The following INPP5D variants were observed in gnomAD, a reference collection of about 807,000 sequenced individuals.
The protein encoded by INPP5D is phosphatidylinositol 3,4,5-trisphosphate 5-phosphatase 1.
A neutral mutation model predicts 122.9 loss-of-function variants in INPP5D; 33 were observed. The observed-to-expected ratio is 0.27, with a 90% CI of 0.20 to 0.36. INPP5D has a LOEUF of 0.36. Among genes scored for constraint, INPP5D ranks in the 10% least tolerant of loss-of-function variants. The pLI is 1.00. For missense variants in INPP5D, 1,053 were observed against 1,412.7 expected (o/e 0.75, Z 4.08); for synonymous variants, 584 against 576.2 (o/e 1.01, Z -0.19).
intron 1 of INPP5D, among the ~76,000 whole-genome samples, chr2:233,074,323 G>A (rs146798829): frequency 1.1e-4 from 16 of 152,248 alleles, no homozygotes; most frequent in East Asian, 7.7e-4. Flanking sequence ...GCTGTCAGAC[G>A]AGGAATAGCC....
intron 9 of INPP5D, among the ~76,000 whole-genome samples, chr2:233,156,767 T>A (rs531046676): frequency 1.3e-5 from 2 of 152,264 alleles, no homozygotes; most frequent in Admixed American, 1.3e-4. Context: ...GGTACCCAGA[T>A]TACAGACTCC....
chr2:233,060,716 T>C, intron 1 of INPP5D, 104 bp downstream of exon 1: 1 of 1,416,392 alleles, frequency 7.1e-7, no homozygotes, highest in Non-Finnish European at 9.8e-7. Flanking sequence ...CAGAGTGATC[T>C]GACATGCACA....
chr2:233,174,357 C>T (rs888992016), intron 17 of INPP5D, among the ~76,000 whole-genome samples: 5 of 152,226 alleles, frequency 3.3e-5, no homozygotes, highest in African/African-American at 4.8e-5. Context: ...AGCAGCACTA[C>T]GTGATGGGGA....
At chr2:233,201,226 G>A (rs1465277019) in intron 25 of INPP5D, among the ~76,000 whole-genome samples, 1 of 152,180 alleles carries the variant, frequency 6.6e-6, no homozygotes, top group African/African-American at 2.4e-5. Context: ...GTATCAAGGT[G>A]CCTGTGTGGC....
At chr2:233,144,770 T>A (rs1040846800) in intron 6 of INPP5D, among the ~76,000 whole-genome samples, 5 of 151,862 alleles carry the variant, frequency 3.3e-5, no homozygotes, top group African/African-American at 7.3e-5. Flanking sequence ...GTGGTAGTGA[T>A]GGTGGTGTTG....
Position 233,189,787 on chromosome 2 carries a change from C to A in INPP5D, c.2359-63C>A. On this transcript the variant is annotated intron_variant, in intron 21 of 26. Coordinates refer to ENST00000445964, the MANE Select transcript of INPP5D (RefSeq NM_001017915.3). This position sits in a 1 kb window ranked among gnomAD's most constrained non-coding sequence, Gnocchi z 5.6. ...TTCGTCATCTTCATCCACTTGTCCA[C>A]CCACCTGTCCCCTCACCTGTCCCTT... 6.3e-7 allele frequency: 1 copy of A among 1,579,142 alleles called. No homozygotes were observed.
At chr2:233,190,332 G>C (rs1385816682) in intron 22 of INPP5D, among the ~76,000 whole-genome samples, 1 of 152,180 alleles carries the variant, frequency 6.6e-6, no homozygotes, top group Non-Finnish European at 1.5e-5. Flanking sequence ...AGGCCTGCCT[G>C]CCCTTCTCTG....
chr2:233,147,999 A>AT (rs1693813635), intron 9 of INPP5D, among the ~76,000 whole-genome samples: 2 of 152,266 alleles, frequency 1.3e-5, no homozygotes. Context: ...AATGGGGATG[A>AT]TAAAAATTAT....
At chr2:233,199,980 A>T (rs1375215554) in intron 25 of INPP5D, among the ~76,000 whole-genome samples, 2 of 152,104 alleles carry the variant, frequency 1.3e-5, no homozygotes, top group African/African-American at 4.8e-5. Context: ...GAGGTTCCCC[A>T]TTCTATAAGC....
rs1160042245 is a variant in INPP5D, at chr2:233,164,964, G to A, written c.1555+540G>A. Among the ~76,000 whole-genome samples the A allele has an allele frequency of 1.3e-5, 2 of 152,184 alleles. No homozygotes were observed. The highest frequency in any genetic ancestry group is 1.9e-4 in the East Asian group (1 of 5,200). On this transcript the variant is annotated intron_variant, in intron 13 of 26. Transcript: ENST00000445964. This position sits in a 1 kb window ranked among gnomAD's most constrained non-coding sequence, Gnocchi z 4.3. ...CGGGAGGTGGCTGGCCCCTGCCCTC[G>A]GTCCCTGTGCACCAGGTTGGATCTG...
chr2:233,170,464 T>A lies in INPP5D; in HGVS notation c.1792-32T>A. 2 of 1,613,298 alleles carry A rather than the reference T, an allele frequency of 1.2e-6. No individual in the cohort carries two copies. The highest frequency in any genetic ancestry group is 1.7e-6 in the Non-Finnish European group (2 of 1,179,630). The stretch of plus-strand genomic sequence containing the variant: ...GTCAGGCCTGGATCAGCAGGGCTTC[T>A]CACCAGAGGCCCGGGCATGTTCTTG... On this transcript the variant is annotated intron_variant, in intron 15 of 26. Coordinates refer to ENST00000445964, the MANE Select transcript of INPP5D (RefSeq NM_001017915.3). The surrounding 1 kb of genome is among the most constrained non-coding windows in gnomAD (Gnocchi z 4.5).
chr2:233,169,555 G>A (rs1694436253), intron 14 of INPP5D, 154 bp downstream of exon 14: 16 of 1,165,724 alleles, frequency 1.4e-5, no homozygotes, highest in Non-Finnish European at 1.8e-5. Flanking sequence ...CTCATCAAAG[G>A]CAACTGCAGC....
intron 25 of INPP5D, among the ~76,000 whole-genome samples, chr2:233,200,066 C>A (rs1695291883): frequency 6.6e-6 from 1 of 152,222 alleles, no homozygotes; most frequent in South Asian, 2.1e-4. Context: ...GGCAGCCAGC[C>A]TGCAGAGAGA....
At chr2:233,119,746 G>A (rs1469688645) in intron 2 of INPP5D, among the ~76,000 whole-genome samples, 1 of 152,182 alleles carries the variant, frequency 6.6e-6, no homozygotes, top group African/African-American at 2.4e-5. Context: ...ACTGAAAGAG[G>A]CGTATGTGTC....
At position 233,151,208 on chromosome 2, in the gene INPP5D, C is replaced by T. The variant is rs192172096; in HGVS notation, c.1030+3614C>T. 4.6e-4 allele frequency among the ~76,000 whole-genome samples: 70 copies of T among 152,176 alleles called. 1 individual carries two copies. Among genetic ancestry groups the T allele is most frequent in the Middle Eastern group, 3.4e-3 (1 of 294 alleles). ...TGGGCTATGCATGGGTGCAGTGGTA[C>T]GCACCTGTATTCTTAGCTACTTGGG... On this transcript the variant is annotated intron_variant, in intron 9 of 26. Coordinates refer to ENST00000445964, the MANE Select transcript of INPP5D (RefSeq NM_001017915.3).
chr2:233,166,551 T>C (rs894474364), intron 13 of INPP5D, among the ~76,000 whole-genome samples: 2 of 152,130 alleles, frequency 1.3e-5, no homozygotes, highest in African/African-American at 2.4e-5. Flanking sequence ...TTTATGACCA[T>C]TGCAGGGCAG....
rs143971233 is a variant in INPP5D, at chr2:233,064,492, C to A, written c.134+3880C>A. ...TGCTCCGCCTAATAACAGCAGGCAA[C>A]TTCCAAAGAGCTCTGTGCCAGGCAC... On this transcript the variant is annotated intron_variant, in intron 1 of 26. Transcript: ENST00000445964. Among the ~76,000 whole-genome samples the A allele has an allele frequency of 1.7e-4, 26 of 152,358 alleles. No homozygotes were observed. The East Asian group carries it at 4.8e-3, about 28-fold the overall frequency.
chr2:233,168,182 T>C (rs1239904547), intron 13 of INPP5D, among the ~76,000 whole-genome samples: 1 of 152,220 alleles, frequency 6.6e-6, no homozygotes, highest in Non-Finnish European at 1.5e-5. Flanking sequence ...ATTTCAATAA[T>C]AGATTTTATT....
At chr2:233,120,533 T>G (rs1692939051) in intron 2 of INPP5D, 1 of 152,276 alleles carries the variant, frequency 6.6e-6, no homozygotes, top group Non-Finnish European at 1.5e-5. Flanking sequence ...GTGGCTGTTA[T>G]GAGGACAGGG....
Sources: gnomAD v4.1 joint callset for allele counts (sites outside exome capture counted in the v4.1 genomes callset) on GRCh38, gnomAD v4.1.1 for gene constraint, Gnocchi (gnomAD v3.1) non-coding constraint, MANE v1.5 for transcripts, NCBI Gene and HGNC (gene_info 2026-07-23, HGNC 2026-07-21) for gene names.